The following MDN1 variants were observed in gnomAD, a reference collection of about 807,000 sequenced individuals.
MDN1 encodes the protein midasin AAA ATPase 1, also known as midasin.
In MDN1, 266 loss-of-function variants were observed where a neutral mutation model predicts 669.2. The observed-to-expected ratio is 0.40, with a 90% CI of 0.36 to 0.44. The LOEUF is 0.44. MDN1 is among the 20% of genes least tolerant of loss of function. The pLI is 1.00. For missense variants in MDN1, 5,940 were observed against 6,754.0 expected, an observed-to-expected ratio of 0.88 and a Z score of 4.22; for synonymous variants, 2,385 against 2,457.1, an observed-to-expected ratio of 0.97 and a Z score of 0.87.
rs1157124046 is a variant in MDN1 at position 89,738,399 on chromosome 6, G to A, written c.4650C>T (p.Ser1550=). The A allele has an allele frequency of 1.2e-6, 2 of 1,613,868 alleles. No individual in the cohort carries two copies. The highest frequency in any genetic ancestry group is 8.5e-7 in the Non-Finnish European group (1 of 1,179,930). The change falls in exon 33 of 102, where the codon AGC becomes AGT. Residue 1550 remains serine, a synonymous_variant. Coordinates refer to ENST00000369393, the MANE Select transcript of MDN1 (RefSeq NM_014611.3). ...FTEIWCPQST[S]REDLIQIISH... is the part of the protein sequence containing the mutation. ...TGATGATCTGAATTAAATCTTCACG[G>A]CTTGTGCTTTGAGGGCACCATATTT...
chr6:89,815,619 G>C (rs1383535720), intron 1 of MDN1, among the ~76,000 whole-genome samples: 1 of 152,180 alleles, frequency 6.6e-6, no homozygotes, highest in Non-Finnish European at 1.5e-5. Context: ...GGGAGATCTT[G>C]CAGAGGTGGG....
chr6:89,737,741 T>G (rs981197122), intron 33 of MDN1, among the ~76,000 whole-genome samples: 6 of 111,888 alleles, frequency 5.4e-5, no homozygotes, highest in Non-Finnish European at 7.5e-5. Flanking sequence ...TTTTTTTTTT[T>G]GAGATGGAGT....
rs138504584 is a variant in MDN1 at position 89,782,667 on chromosome 6, G to A, written c.1450-1075C>T. Among the ~76,000 whole-genome samples the A allele has an allele frequency of 1.4e-3, 218 of 151,462 alleles. 3 individuals are homozygous for A. The highest frequency in any genetic ancestry group is 4.7e-3 in the African/African-American group (195 of 41,314). ...AGATATAAAATCAGTTAAGCTGGGC[G>A]TGGTGGCTCACGCCTGTGATCCCAG... On this transcript the variant is annotated intron_variant, in intron 9 of 101. Transcript: ENST00000369393.
intron 15 of MDN1, among the ~76,000 whole-genome samples, chr6:89,771,122 T>TCA (rs1818058658): frequency 1.3e-5 from 2 of 152,104 alleles, no homozygotes. Context: ...AATAAGCAAC[T>TCA]CACACCTTAA....
intron 100 of MDN1, among the ~76,000 whole-genome samples, chr6:89,646,136 C>A (rs1808477533): frequency 6.6e-6 from 1 of 152,108 alleles, no homozygotes; most frequent in Admixed American, 6.6e-5. Flanking sequence ...GTTTTGCATC[C>A]CTCAAATGCT....
chr6:89,740,113 A>G lies in MDN1; in HGVS notation c.4593+121T>C. ...TTTTAAAATATTTTTGAGTTTTTAC[A>G]CTTTTTACCCACTTTTTACCTAACA... On this transcript the variant is annotated intron_variant, in intron 32 of 101. Coordinates refer to ENST00000369393, the MANE Select transcript of MDN1 (RefSeq NM_014611.3). 6.0e-6 allele frequency: 7 copies of G among 1,159,130 alleles called. No homozygotes were observed. In the South Asian group the frequency reaches 1.1e-4, roughly 18 times the overall value. 71.8% of individuals were successfully genotyped at this position (1,159,130 alleles called of 1,614,324 possible).
intron 5 of MDN1, among the ~76,000 whole-genome samples, chr6:89,791,298 A>G (rs1296115033): frequency 6.6e-6 from 1 of 152,152 alleles, no homozygotes; most frequent in Non-Finnish European, 1.5e-5. Context: ...AAATATACAC[A>G]ATACATTTAG....
chr6:89,697,457 A>G (rs1812843783), intron 59 of MDN1, among the ~76,000 whole-genome samples: 1 of 152,230 alleles, frequency 6.6e-6, no homozygotes, highest in Admixed American at 6.5e-5. Flanking sequence ...AACTTGTGAC[A>G]TATAAGAAAA....
chr6:89,654,223 G>C lies in MDN1; in HGVS notation c.15602C>G (p.Ala5201Gly). The change falls in exon 93 of 102, where the codon GCA (alanine) becomes GGA (glycine). Residue 5201 changes from alanine to glycine, a missense_variant. Physicochemically the swap from Ala to Gly is moderately conservative, Grantham distance 60. Around this residue, in one of 5 missense-constraint regions of MDN1, gnomAD observed 2,280 missense variants for 2,576.3 expected, o/e 0.88. Coordinates refer to ENST00000369393, the MANE Select transcript of MDN1 (RefSeq NM_014611.3). Reference sequence around the variant, plus strand: ...TGGCTTCAGCTGCTCCACGTCTGCTGCTTTGAACTCCTCCTGCTCCTCTGT... The same window carrying C: ...TGGCTTCAGCTGCTCCACGTCTGCTCCTTTGAACTCCTCCTGCTCCTCTGT... Reference protein sequence around the residue: ...MDTEEQEEFKAADVEQLKPEE... With the variant: ...MDTEEQEEFKGADVEQLKPEE... 2 of 1,614,186 alleles carry C rather than the reference G, an allele frequency of 1.2e-6. No individual in the cohort carries two copies. The highest frequency in any genetic ancestry group is 1.7e-6 in the Non-Finnish European group (2 of 1,180,036).
At chr6:89,810,739 TG>T (rs1768361797) in intron 1 of MDN1, among the ~76,000 whole-genome samples, 4 of 152,322 alleles carry the variant, frequency 2.6e-5, no homozygotes, top group Admixed American at 2.0e-4. Context: ...GGCTCACGGC[TG>T]TAATTCCAGC....
At chr6:89,670,164 ATATATATTTTTTTTTTT>A (rs1389675858) in intron 83 of MDN1, among the ~76,000 whole-genome samples, 4 of 18,272 alleles carry the variant, frequency 2.2e-4, no homozygotes, top group Admixed American at 1.0e-3. Context: ...ATATATATAT[ATATATATTTTTTTTTTT>A]TTTTTTTTTG....
In MDN1 at chr6:89,762,512, A is replaced by T; in HGVS notation, c.2163T>A (p.His721Gln). The stretch of plus-strand genomic sequence containing the variant: ...CCCGTAAGGGTAGCCAAATAAGCTT[A>T]TGGTCCACCGGTTTATAACTGAAAC... ...DLLGGYKPVD[H>Q]KLIWLPLREA... The change falls in exon 16 of 102, where the codon CAT becomes CAA. Residue 721 changes from histidine to glutamine, a missense_variant. His to Gln is a conservative substitution (Grantham distance 24). This residue lies in a region of MDN1 where 1,203 missense variants were observed against 1,268.9 expected (regional missense o/e 0.95). Coordinates refer to ENST00000369393, the MANE Select transcript of MDN1 (RefSeq NM_014611.3). 2 of 1,613,450 alleles carry T rather than the reference A, an allele frequency of 1.2e-6. No individual in the cohort carries two copies. Among genetic ancestry groups the T allele is most frequent in the Non-Finnish European group, 1.7e-6 (2 of 1,179,464 alleles).
chr6:89,747,044 T>G (rs1247223990), intron 27 of MDN1, among the ~76,000 whole-genome samples: 3 of 152,184 alleles, frequency 2.0e-5, no homozygotes, highest in Non-Finnish European at 4.4e-5. Flanking sequence ...AAAGCTACCA[T>G]CAACCATTTG....
In MDN1 at chr6:89,650,175, C is replaced by A; in HGVS notation, c.16055G>T (p.Arg5352Leu). The change falls in exon 97 of 102, where the codon CGA (arginine) becomes CTA (leucine). Residue 5352 changes from arginine to leucine, a missense_variant. Around this residue, in one of 5 missense-constraint regions of MDN1, gnomAD observed 2,280 missense variants for 2,576.3 expected, o/e 0.88. Transcript: ENST00000369393. ...TGGAATGACTTTCCGTATGTTTAGTCGTTTCCCAGTTCGATAGTCTCCTCT... is the reference window on the plus strand; with the variant it reads ...TGGAATGACTTTCCGTATGTTTAGTAGTTTCCCAGTTCGATAGTCTCCTCT... ...KLKGDYRTGK[R>L]LNIRKVIPYI... The A allele has an allele frequency of 6.2e-7, 1 of 1,614,026 alleles. No individual in the cohort carries two copies. Among genetic ancestry groups the A allele is most frequent in the South Asian group, 1.1e-5 (1 of 91,064 alleles).
Position 89,653,151 on chromosome 6 carries a change from A to G in MDN1, c.15666T>C (p.Phe5222=). 6.2e-7 allele frequency: 1 copy of G among 1,608,496 alleles called. No individual in the cohort carries two copies. Among genetic ancestry groups the G allele is most frequent in the African/African-American group, 1.3e-5 (1 of 74,436 alleles). Residue 5222 remains phenylalanine, a synonymous_variant, in exon 94 of 102, where the codon TTT becomes TTC. Coordinates refer to ENST00000369393, the MANE Select transcript of MDN1 (RefSeq NM_014611.3). The part of the protein sequence containing the change: ...IKSGTTAPLG[F]DEMEVEIQTV... ...TTTGGATCTCCACTTCCATCTCATC[A>G]AAGCCTATTTTCATTTAAGGACATA... is the stretch of plus-strand genomic sequence containing the variant.
chr6:89,700,597 G>A, intron 56 of MDN1, 49 bp downstream of exon 56: 1 of 1,568,158 alleles, frequency 6.4e-7, no homozygotes, highest in Non-Finnish European at 8.8e-7. Flanking sequence ...ACCAGCAAGA[G>A]GATATTTTCA....
At chr6:89,684,527 G>A (rs368450564) in intron 71 of MDN1, among the ~76,000 whole-genome samples, 12 of 152,132 alleles carry the variant, frequency 7.9e-5, no homozygotes, top group South Asian at 4.2e-4. Flanking sequence ...CAAAAAGAGC[G>A]GTCCCTCCTT....
chr6:89,798,182 A>C (rs1287835159), intron 2 of MDN1, among the ~76,000 whole-genome samples: 96 of 48,034 alleles, frequency 2.0e-3, no homozygotes, highest in Non-Finnish European at 3.6e-3. Flanking sequence ...ACTCTGTCTC[A>C]AAAAAAAAAA....
chr6:89,652,396 G>C, intron 94 of MDN1, 115 bp from the exon 95 acceptor site: 1 of 755,316 alleles, frequency 1.3e-6, no homozygotes, highest in Non-Finnish European at 2.2e-6. Flanking sequence ...AAATGCTCCT[G>C]AGATTCAAAA....
Sources: gnomAD v4.1 joint callset for allele counts (sites outside exome capture counted in the v4.1 genomes callset) on GRCh38, gnomAD v4.1.1 for gene constraint, gnomAD v4.1.1 regional missense constraint, MANE v1.5 for transcripts, NCBI Gene and HGNC (gene_info 2026-07-23, HGNC 2026-07-21) for gene names.